KCNT2: variants seen among roughly 807,000 people sequenced by gnomAD.
KCNT2 encodes potassium sodium-activated channel subfamily T member 2, also known as potassium channel subfamily T member 2.
In KCNT2, 67 loss-of-function variants were observed where a neutral mutation model predicts 153.8. The ratio of observed to expected loss-of-function variants is 0.44; its 90% CI spans 0.36 to 0.53. The LOEUF (loss-of-function observed/expected upper bound fraction) is 0.53, where lower values mean the gene tolerates loss of function less well. KCNT2 is among the 20% of genes least tolerant of loss of function. The pLI, the probability that KCNT2 is intolerant of heterozygous loss-of-function variation, is 0.00. For missense variants in KCNT2, 975 were observed against 1,354.8 expected, an observed-to-expected ratio of 0.72 and a Z score of 4.40; for synonymous variants, 500 against 458.8, an observed-to-expected ratio of 1.09 and a Z score of -1.15.
At chr1:196,471,538 A>AT (rs1421678852) in intron 5 of KCNT2, among the ~76,000 whole-genome samples, 168 of 150,502 alleles carry the variant, frequency 1.1e-3, no homozygotes, top group Non-Finnish European at 1.7e-3. Context: ...TTCATTTTAC[A>AT]TTTTTTTTTG....
chr1:196,463,536 C>T (rs899878237), intron 8 of KCNT2, among the ~76,000 whole-genome samples: 5 of 151,692 alleles, frequency 3.3e-5, no homozygotes, highest in African/African-American at 1.2e-4. Flanking sequence ...ATATCCACTA[C>T]TGGTGACAGT....
intron 14 of KCNT2, among the ~76,000 whole-genome samples, chr1:196,348,400 A>G (rs1002459694): frequency 2.0e-5 from 3 of 152,194 alleles, no homozygotes; most frequent in Admixed American, 2.0e-4. Context: ...ATGTGTTTAC[A>G]GCAACTAAAT....
intron 27 of KCNT2, 103 bp from the exon 28 acceptor site, chr1:196,228,438 A>T: frequency 2.9e-6 from 2 of 679,068 alleles, no homozygotes; most frequent in South Asian, 1.9e-5. Flanking sequence ...CAGTTTTCAG[A>T]TTATCTAAAC....
intron 14 of KCNT2, among the ~76,000 whole-genome samples, chr1:196,348,684 T>G (rs1384078414): frequency 6.6e-6 from 1 of 152,128 alleles, no homozygotes. Flanking sequence ...AAACATTATA[T>G]TTTAAAAAAC....
intron 5 of KCNT2, among the ~76,000 whole-genome samples, chr1:196,470,034 A>T (rs934746409): frequency 5.9e-5 from 9 of 152,350 alleles, no homozygotes; most frequent in African/African-American, 2.2e-4. Flanking sequence ...AAAGTTGTAG[A>T]GCAGCTATTG....
At chr1:196,246,478 T>C (rs1265801458) in intron 26 of KCNT2, among the ~76,000 whole-genome samples, 2 of 152,140 alleles carry the variant, frequency 1.3e-5, no homozygotes, top group African/African-American at 2.4e-5. Context: ...AAATATACTA[T>C]TGTAATAGTG....
intron 26 of KCNT2, among the ~76,000 whole-genome samples, chr1:196,248,272 A>G (rs967969004): frequency 9.9e-5 from 15 of 152,188 alleles, no homozygotes; most frequent in South Asian, 6.2e-4. Context: ...AACCAAAAAT[A>G]GTAGAAAAAA....
chr1:196,458,215 CAA>C (rs1320850970), intron 8 of KCNT2, among the ~76,000 whole-genome samples: 1 of 151,308 alleles, frequency 6.6e-6, no homozygotes, highest in South Asian at 2.1e-4. Flanking sequence ...TAATATAAAA[CAA>C]AAATTATATT....
At position 196,398,651 on chromosome 1, in the gene KCNT2, T is replaced by C; in HGVS notation, c.1206A>G (p.Arg402=). 1.9e-6 allele frequency: 3 copies of C among 1,602,436 alleles called. No homozygotes were observed. The African/African-American group carries it at 4.0e-5, about 21-fold the overall frequency. The change falls in exon 13 of 28, where the codon AGA becomes AGG. Residue 402 remains arginine (R), a synonymous_variant. Transcript: ENST00000294725. ...GAGCAAAATCTTTCACAGCCCATGC[T>C]CTCAAAATTGTTTGGTGATCCTGAA... ...RTSSDHQTIL[R]AWAVKDFAPN...
At chr1:196,340,079 G>A (rs1665470174) in intron 16 of KCNT2, among the ~76,000 whole-genome samples, 1 of 151,804 alleles carries the variant, frequency 6.6e-6, no homozygotes, top group Non-Finnish European at 1.5e-5. Context: ...TCAAACTCCT[G>A]GCTCAAGCAA....
chr1:196,466,555 G>A (rs1435641915), intron 7 of KCNT2, among the ~76,000 whole-genome samples: 1 of 151,948 alleles, frequency 6.6e-6, no homozygotes, highest in Non-Finnish European at 1.5e-5. Flanking sequence ...TTTCAATGCA[G>A]TAAAATTAAT....
intron 1 of KCNT2, among the ~76,000 whole-genome samples, chr1:196,557,393 T>A: frequency 6.6e-6 from 1 of 151,326 alleles, no homozygotes; most frequent in East Asian, 1.9e-4. Flanking sequence ...TTATCATAAT[T>A]TTGAATGAGG....
chr1:196,466,622 A>G (rs185805050), intron 7 of KCNT2, among the ~76,000 whole-genome samples: 1 of 152,190 alleles, frequency 6.6e-6, no homozygotes, highest in Admixed American at 6.6e-5. Context: ...CATATTATGC[A>G]TATGTATCTG....
intron 1 of KCNT2, among the ~76,000 whole-genome samples, chr1:196,590,930 T>G (rs1572914061): frequency 6.6e-6 from 1 of 151,924 alleles, no homozygotes; most frequent in African/African-American, 2.4e-5. Context: ...GTTCAAGACC[T>G]GCCTGGGCAA....
intron 1 of KCNT2, among the ~76,000 whole-genome samples, chr1:196,504,698 C>T (rs987208734): frequency 1.3e-5 from 2 of 152,174 alleles, no homozygotes; most frequent in African/African-American, 4.8e-5. Context: ...TATAGTCCCA[C>T]CAACAGTGTA....
At chr1:196,281,117 C>T in intron 24 of KCNT2, 129 bp from the exon 25 acceptor site, 1 of 668,770 alleles carries the variant, frequency 1.5e-6, no homozygotes, top group Non-Finnish European at 2.5e-6. Flanking sequence ...GGCTACAGTG[C>T]AACGGTGCAA....
At chr1:196,374,160 G>A (rs895625360) in intron 13 of KCNT2, among the ~76,000 whole-genome samples, 18 of 151,684 alleles carry the variant, frequency 1.2e-4, no homozygotes, top group African/African-American at 4.4e-4. Context: ...ATAAAGAGAA[G>A]GTTTAAAATT....
At chr1:196,313,889 C>G (rs1215584035) in intron 21 of KCNT2, among the ~76,000 whole-genome samples, 1 of 151,556 alleles carries the variant, frequency 6.6e-6, no homozygotes, top group Non-Finnish European at 1.5e-5. Flanking sequence ...TTAAAATATA[C>G]TGCTGAAGAC....
chr1:196,285,754 T>C lies in KCNT2; in HGVS notation c.2600A>G (p.Glu867Gly). ...SLALSKLEKKERERGSNLAFM... is the reference protein window; with the variant it reads ...SLALSKLEKKGRERGSNLAFM... Reference sequence around the variant, plus strand: ...GGCCAAGTTAGAGCCTCTCTCCCGTTCTTTCTGTTCAGAAATTTGAGATAG... The same window carrying C: ...GGCCAAGTTAGAGCCTCTCTCCCGTCCTTTCTGTTCAGAAATTTGAGATAG... Residue 867 changes from glutamate to glycine, a missense_variant, in exon 23 of 28, where the codon GAA (glutamate) becomes GGA (glycine). By Grantham distance (98) the Glu-to-Gly change is moderately conservative. Transcript: ENST00000294725. 6.2e-7 allele frequency: 1 copy of C among 1,600,094 alleles called. No homozygotes were observed. Among genetic ancestry groups the C allele is most frequent in the Non-Finnish European group, 8.6e-7 (1 of 1,168,170 alleles).
Sources: gnomAD v4.1 joint callset for allele counts (sites outside exome capture counted in the v4.1 genomes callset) on GRCh38, gnomAD v4.1.1 for gene constraint, MANE v1.5 for transcripts, NCBI Gene and HGNC (gene_info 2026-07-23, HGNC 2026-07-21) for gene names.